The following FAM135B variants were observed in gnomAD, a reference collection of about 807,000 sequenced individuals.
FAM135B encodes protein FAM135B.
FAM135B carries 43 observed loss-of-function variants against 127.7 expected under a neutral mutation model. The ratio of observed to expected loss-of-function variants is 0.34; its 90% CI spans 0.26 to 0.43. The LOEUF (loss-of-function observed/expected upper bound fraction) is 0.43, where lower values mean the gene tolerates loss of function less well. Among genes scored for constraint, FAM135B ranks in the 20% least tolerant of loss-of-function variants. The pLI, the probability that FAM135B is intolerant of heterozygous loss-of-function variation, is 1.00. For missense variants in FAM135B, 1,558 were observed against 1,725.6 expected (o/e 0.90, Z 1.72); for synonymous variants, 670 against 665.1 (o/e 1.01, Z -0.11).
At chr8:138,472,536 G>C (rs958457985) in intron 1 of FAM135B, among the ~76,000 whole-genome samples, 1 of 152,138 alleles carries the variant, frequency 6.6e-6, no homozygotes, top group South Asian at 2.1e-4. Context: ...GAGCACACGT[G>C]GTGGGAGGTA....
chr8:138,178,131 C>T (rs982664149), intron 10 of FAM135B, among the ~76,000 whole-genome samples: 1 of 151,840 alleles, frequency 6.6e-6, no homozygotes, highest in Non-Finnish European at 1.5e-5. Context: ...GCCTGTAATC[C>T]CAGCTACTCG....
At chr8:138,255,778 G>A (rs954009723) in intron 5 of FAM135B, among the ~76,000 whole-genome samples, 1 of 152,078 alleles carries the variant, frequency 6.6e-6, no homozygotes, top group Non-Finnish European at 1.5e-5. Flanking sequence ...TCTTTCTAAG[G>A]AATTCACAAG....
intron 7 of FAM135B, among the ~76,000 whole-genome samples, chr8:138,203,986 C>A (rs1004425633): frequency 6.6e-5 from 10 of 152,100 alleles, no homozygotes; most frequent in Non-Finnish European, 1.3e-4. Flanking sequence ...CCACCACTGA[C>A]CTGACAGGAT....
At chr8:138,443,187 G>A (rs1835910039) in intron 1 of FAM135B, among the ~76,000 whole-genome samples, 1 of 152,084 alleles carries the variant, frequency 6.6e-6, no homozygotes, top group Non-Finnish European at 1.5e-5. Context: ...CATCACATCT[G>A]GGTAAAGCAG....
chr8:138,205,453 C>G (rs1332700171), intron 7 of FAM135B, among the ~76,000 whole-genome samples: 1 of 152,152 alleles, frequency 6.6e-6, no homozygotes, highest in Non-Finnish European at 1.5e-5. Context: ...TAACTCAGGC[C>G]AGGGTCCAGG....
intron 1 of FAM135B, among the ~76,000 whole-genome samples, chr8:138,431,736 C>G (rs776281709): frequency 6.6e-6 from 1 of 152,158 alleles, no homozygotes; most frequent in African/African-American, 2.4e-5. Context: ...ACTGCTGTCA[C>G]GTGGGACTCA....
At chr8:138,373,209 T>C (rs1226724653) in intron 1 of FAM135B, among the ~76,000 whole-genome samples, 1 of 152,114 alleles carries the variant, frequency 6.6e-6, no homozygotes, top group South Asian at 2.1e-4. Context: ...GGACCCCAAA[T>C]GGAGGGACCG....
At chr8:138,382,048 G>C (rs1430501222) in intron 1 of FAM135B, among the ~76,000 whole-genome samples, 1 of 152,080 alleles carries the variant, frequency 6.6e-6, no homozygotes, top group African/African-American at 2.4e-5. Context: ...ACGGTGGTTT[G>C]GGATCCAATT....
At chr8:138,213,225 T>C (rs4909406) in intron 7 of FAM135B, among the ~76,000 whole-genome samples, 110,630 of 152,060 alleles carry the variant, frequency 0.73, 40,486 homozygotes, top group East Asian at 0.82. Context: ...CTACTGGATA[T>C]GATTGTTGAA....
At chr8:138,364,501 GTAGTCATA>G (rs933781080) in intron 2 of FAM135B, among the ~76,000 whole-genome samples, 1 of 152,174 alleles carries the variant, frequency 6.6e-6, no homozygotes, top group African/African-American at 2.4e-5. Flanking sequence ...TCAAGCATAT[GTAGTCATA>G]AGATTATGCC....
At chr8:138,438,748 A>G (rs1035998628) in intron 1 of FAM135B, 1 of 152,220 alleles carries the variant, frequency 6.6e-6, no homozygotes, top group Non-Finnish European at 1.5e-5. Flanking sequence ...ATGATCAGAC[A>G]TCACCTGAGG....
intron 7 of FAM135B, among the ~76,000 whole-genome samples, chr8:138,237,150 A>ATTTTTTTTTTTTTTTTT (rs10604150): frequency 4.9e-5 from 5 of 101,322 alleles, no homozygotes; most frequent in Non-Finnish European, 7.5e-5. Flanking sequence ...TGGATCCTTG[A>ATTTTTTTTTTTTTTTTT]TTTTTTTTTT....
chr8:138,447,355 C>T (rs562951159), intron 1 of FAM135B, among the ~76,000 whole-genome samples: 3 of 151,872 alleles, frequency 2.0e-5, no homozygotes, highest in Admixed American at 6.6e-5. Context: ...CACATGCACA[C>T]ATATGTTTAT....
At chr8:138,313,777 T>A in intron 2 of FAM135B, among the ~76,000 whole-genome samples, 1 of 39,910 alleles carries the variant, frequency 2.5e-5, no homozygotes, top group Middle Eastern at 0.013. Context: ...GCAGTGGACC[T>A]CAGTATCTGT....
intron 2 of FAM135B, among the ~76,000 whole-genome samples, chr8:138,326,407 T>G (rs1025635108): frequency 1.4e-4 from 22 of 152,194 alleles, no homozygotes; most frequent in African/African-American, 5.1e-4. Flanking sequence ...TTGATTTTCT[T>G]TGCATTTGTA....
chr8:138,325,265 G>A (rs1285348229), intron 2 of FAM135B, among the ~76,000 whole-genome samples: 1 of 152,194 alleles, frequency 6.6e-6, no homozygotes. Context: ...AAAAATAGTT[G>A]CTGCATGCTG....
chr8:138,477,140 C>A (rs1814516427), intron 1 of FAM135B, among the ~76,000 whole-genome samples: 1 of 152,178 alleles, frequency 6.6e-6, no homozygotes, highest in Non-Finnish European at 1.5e-5. Flanking sequence ...TAATGAGGAA[C>A]ACCCGTGATT....
chr8:138,195,659 A>ACACAC (rs1563755508), intron 8 of FAM135B, among the ~76,000 whole-genome samples: 3 of 146,966 alleles, frequency 2.0e-5, no homozygotes, highest in East Asian at 4.0e-4. Context: ...CACACACACA[A>ACACAC]ACACACACAC....
chr8:138,403,057 G>T (rs1195175442), intron 1 of FAM135B, among the ~76,000 whole-genome samples: 1 of 152,152 alleles, frequency 6.6e-6, no homozygotes, highest in Non-Finnish European at 1.5e-5. Flanking sequence ...TACCTTGATC[G>T]TGGAGACCCC....
Sources: allele counts gnomAD v4.1 joint callset (sites outside exome capture counted in the v4.1 genomes callset), GRCh38; gene constraint gnomAD v4.1.1; transcripts MANE v1.5; gene names NCBI Gene and HGNC (gene_info 2026-07-23, HGNC 2026-07-21).